Variants in DHX29 observed in about 807,000 individuals in gnomAD.
The protein encoded by DHX29 is ATP-dependent RNA helicase DHX29.
DHX29 carries 79 observed loss-of-function variants against 167.9 expected under a neutral mutation model. That is an observed-to-expected ratio of 0.47 (90% CI 0.39 to 0.57). The LOEUF (loss-of-function observed/expected upper bound fraction) is 0.57. Ranked by LOEUF, DHX29 falls within the 20% of genes least tolerant of loss-of-function variation. The pLI is 0.00. For missense variants in DHX29, 1,347 were observed against 1,593.4 expected, an observed-to-expected ratio of 0.85 and a Z score of 2.63; for synonymous variants, 530 against 546.0, an observed-to-expected ratio of 0.97 and a Z score of 0.41.
At chr5:55,276,533 A>T (rs1284165239) in intron 13 of DHX29, 127 bp from the exon 14 acceptor site, 2 of 722,556 alleles carry the variant, frequency 2.8e-6, no homozygotes, top group Non-Finnish European at 4.3e-6. Flanking sequence ...ATGAAAAAAA[A>T]TTTTTAGTAT....
chr5:55,292,988 G>C (rs1378702738), intron 6 of DHX29, among the ~76,000 whole-genome samples: 2 of 146,704 alleles, frequency 1.4e-5, no homozygotes, highest in African/African-American at 2.5e-5. Flanking sequence ...TGGATATACA[G>C]AAGAATATAA....
intron 4 of DHX29, 97 bp downstream of exon 4, chr5:55,296,123 C>T (rs1323111089): frequency 1.6e-6 from 2 of 1,260,564 alleles, no homozygotes; most frequent in Non-Finnish European, 2.1e-6. Flanking sequence ...ATAATTATGA[C>T]AGTGAAAAAA....
chr5:55,286,225 G>A (rs1036614338), intron 8 of DHX29, among the ~76,000 whole-genome samples: 3 of 150,440 alleles, frequency 2.0e-5, no homozygotes, highest in Admixed American at 6.6e-5. Flanking sequence ...CTGCACTACA[G>A]CCTGGGTGAC....
intron 12 of DHX29, among the ~76,000 whole-genome samples, chr5:55,277,982 T>C (rs1401775568): frequency 6.6e-6 from 1 of 151,652 alleles, no homozygotes; most frequent in Non-Finnish European, 1.5e-5. Context: ...CCTAAATCTC[T>C]GCCACTAATA....
chr5:55,303,926 C>T (rs1257309177), intron 1 of DHX29, among the ~76,000 whole-genome samples: 1 of 152,142 alleles, frequency 6.6e-6, no homozygotes, highest in African/African-American at 2.4e-5. Flanking sequence ...TTTATGACAT[C>T]CATTCCCAAT....
chr5:55,297,137 G>C (rs1180745641), intron 3 of DHX29, 148 bp downstream of exon 3: 3 of 584,700 alleles, frequency 5.1e-6, no homozygotes, highest in Non-Finnish European at 6.0e-6. Context: ...TTGATTTAAG[G>C]TGTGCACAAT....
intron 6 of DHX29, among the ~76,000 whole-genome samples, chr5:55,291,292 G>T (rs970458896): frequency 2.6e-5 from 4 of 152,120 alleles, no homozygotes; most frequent in African/African-American, 9.7e-5. Context: ...ACTGCAGAAG[G>T]AAACACAACT....
intron 12 of DHX29, chr5:55,279,733 TTTTTG>T: frequency 6.8e-6 from 1 of 147,924 alleles, no homozygotes; most frequent in Non-Finnish European, 1.4e-5. Context: ...TGTTTTGCTG[TTTTTG>T]TTTTTTTTTT....
At chr5:55,264,871 T>C (rs1187186113) in intron 23 of DHX29, among the ~76,000 whole-genome samples, 1 of 152,110 alleles carries the variant, frequency 6.6e-6, no homozygotes, top group Non-Finnish European at 1.5e-5. Flanking sequence ...CAAATATTGA[T>C]AAGGAAAAAG....
chr5:55,304,423 T>C (rs1748759866), intron 1 of DHX29, among the ~76,000 whole-genome samples: 1 of 150,416 alleles, frequency 6.6e-6, no homozygotes, highest in Admixed American at 6.6e-5. Context: ...GCCATTCTCC[T>C]GCCTCAGCCT....
Position 55,283,225 on chromosome 5 carries a change from C to T in DHX29, c.1943G>A (p.Cys648Tyr). The change falls in exon 11 of 27, where the codon TGT (cysteine) becomes TAT (tyrosine). Residue 648 changes from cysteine to tyrosine, a missense_variant. By Grantham distance (194) the Cys-to-Tyr change is radical. Coordinates refer to ENST00000251636, the MANE Select transcript of DHX29 (RefSeq NM_019030.4). ...TACCCTTCCTCCAGGTCCATTTTCACAGCCCAATTCATCACATACTCTGTT... is the reference window on the plus strand; with the variant it reads ...TACCCTTCCTCCAGGTCCATTTTCATAGCCCAATTCATCACATACTCTGTT... ...LANRVCDELG[C>Y]ENGPGGRNSL... The T allele has an allele frequency of 6.3e-7, 1 of 1,591,694 alleles. No individual in the cohort carries two copies.
intron 7 of DHX29, among the ~76,000 whole-genome samples, chr5:55,289,631 T>C (rs914138235): frequency 6.6e-6 from 1 of 152,138 alleles, no homozygotes; most frequent in African/African-American, 2.4e-5. Flanking sequence ...TGTGCAGGAA[T>C]CAGAGGCAAT....
chr5:55,259,463 T>C (rs1579744858), intron 26 of DHX29, among the ~76,000 whole-genome samples: 1 of 152,224 alleles, frequency 6.6e-6, no homozygotes, highest in Non-Finnish European at 1.5e-5. Context: ...GTTTCTTTTT[T>C]TCTTTTTTGA....
At chr5:55,280,651 T>C (rs533295083) in intron 12 of DHX29, among the ~76,000 whole-genome samples, 1 of 152,220 alleles carries the variant, frequency 6.6e-6, no homozygotes, top group African/African-American at 2.4e-5. Context: ...AGTGAAACCA[T>C]GCCTATAAAC....
chr5:55,262,131 T>G (rs1044465447), intron 24 of DHX29, among the ~76,000 whole-genome samples: 1 of 152,138 alleles, frequency 6.6e-6, no homozygotes, highest in Non-Finnish European at 1.5e-5. Flanking sequence ...TGTTAAAAAA[T>G]AAGAAAATGG....
Position 55,298,695 on chromosome 5 carries a change from T to C in DHX29, c.188-31A>G, listed in dbSNP as rs527271347. The C allele has an allele frequency of 4.5e-5, 48 of 1,060,736 alleles. No individual in the cohort carries two copies. The South Asian group carries it at 6.2e-4, about 14-fold the overall frequency. The allele number at this position is 1,060,736 out of a possible 1,614,324, so 65.7% of individuals were successfully genotyped here. A position where few individuals can be genotyped will look rare whatever the true frequency, so the allele number is the denominator to read the frequency against. On this transcript the variant is annotated intron_variant, in intron 1 of 26. Transcript: ENST00000251636. ...AATACAAATAGACAAGGCAATTTAA[T>C]GATTAATATCTATTACATTATTTTA... is the stretch of plus-strand genomic sequence containing the variant.
At chr5:55,307,144 G>A (rs1350427647) in intron 1 of DHX29, among the ~76,000 whole-genome samples, 1 of 152,222 alleles carries the variant, frequency 6.6e-6, no homozygotes, top group African/African-American at 2.4e-5. Flanking sequence ...TTTAGAAGGG[G>A]GAGAAGTGTG....
At chr5:55,300,321 G>A (rs536483414) in intron 1 of DHX29, among the ~76,000 whole-genome samples, 441 of 151,940 alleles carry the variant, frequency 2.9e-3, no homozygotes, top group Non-Finnish European at 4.9e-3. Context: ...GCTACAGTGA[G>A]CTGTGACTGC....
At position 55,269,680 on chromosome 5, in the gene DHX29, A is replaced by T. The variant is rs774385015; in HGVS notation, c.3070-43T>A. 7 of 1,495,690 alleles carry T rather than the reference A, an allele frequency of 4.7e-6. No homozygotes were observed. The Admixed American group carries it at 1.2e-4, about 26-fold the overall frequency. The allele number at this position is 1,495,690 out of a possible 1,614,324, so 92.7% of individuals were successfully genotyped here. ...AATAAAATTGGTATGAAATCAAAGA[A>T]TGAACACTACCCAATGAGATGTTAG... On this transcript the variant is annotated intron_variant, in intron 20 of 26. Coordinates refer to ENST00000251636, the MANE Select transcript of DHX29 (RefSeq NM_019030.4).
Sources: allele counts gnomAD v4.1 joint callset (sites outside exome capture counted in the v4.1 genomes callset), GRCh38; gene constraint gnomAD v4.1.1; transcripts MANE v1.5; gene names NCBI Gene and HGNC (gene_info 2026-07-23, HGNC 2026-07-21).